ZNF565: variants seen among roughly 807,000 people sequenced by gnomAD.
ZNF565 encodes the protein zinc finger protein 565.
ZNF565 carries 27 observed loss-of-function variants against 39.4 expected under a neutral mutation model. That is an observed-to-expected ratio of 0.69 (90% CI 0.51 to 0.95). ZNF565 has a LOEUF of 0.95. ZNF565 is among the 40% of genes least tolerant of loss of function. ZNF565 has a pLI of 0.00. For synonymous variants in ZNF565, 185 were observed against 216.6 expected, an observed-to-expected ratio of 0.85 and a Z score of 1.28; for missense variants, 524 against 621.1, an observed-to-expected ratio of 0.84 and a Z score of 1.66.
At chr19:36,221,602 T>C (rs1310467814) in intron 1 of ZNF565, among the ~76,000 whole-genome samples, 1 of 152,182 alleles carries the variant, frequency 6.6e-6, no homozygotes. Flanking sequence ...CACTACTTTT[T>C]AAAAAATGAA....
intron 1 of ZNF565, among the ~76,000 whole-genome samples, chr19:36,231,369 C>T (rs1177765501): frequency 6.6e-6 from 1 of 152,028 alleles, no homozygotes; most frequent in Non-Finnish European, 1.5e-5. Flanking sequence ...ACCACCACAC[C>T]CGGCTAATTT....
At chr19:36,210,859 C>T (rs1976329137) in intron 1 of ZNF565, among the ~76,000 whole-genome samples, 1 of 151,830 alleles carries the variant, frequency 6.6e-6, no homozygotes, top group African/African-American at 2.4e-5. Context: ...AGGACTGGGG[C>T]AGGGAAAGTA....
intron 1 of ZNF565, among the ~76,000 whole-genome samples, chr19:36,205,075 C>T (rs2145352289): frequency 6.6e-6 from 1 of 152,266 alleles, no homozygotes; most frequent in South Asian, 2.1e-4. Flanking sequence ...CTAACCATCA[C>T]TCTTGCCACA....
chr19:36,243,607 G>T (rs969751773), intron 1 of ZNF565, among the ~76,000 whole-genome samples: 2 of 152,204 alleles, frequency 1.3e-5, no homozygotes, highest in Non-Finnish European at 2.9e-5. Flanking sequence ...TCAGAGCTGT[G>T]TGATGGGTTC....
intron 1 of ZNF565, among the ~76,000 whole-genome samples, chr19:36,210,419 C>CAAAAAAA (rs35345882): frequency 3.0e-5 from 2 of 67,030 alleles, no homozygotes; most frequent in African/African-American, 1.2e-4. Flanking sequence ...AATTCTGTCT[C>CAAAAAAA]AAAAAAAAAA....
In ZNF565 at chr19:36,245,792, T is replaced by A. The variant is rs1490014285; in HGVS notation, c.-262A>T. 4 of 471,968 alleles carry A rather than the reference T, an allele frequency of 8.5e-6. No individual in the cohort carries two copies. The highest frequency in any genetic ancestry group is 7.6e-5 in the Admixed American group (2 of 26,304). The allele number at this position is 471,968 out of a possible 1,614,324, so 29.2% of individuals were successfully genotyped here. A position where few individuals can be genotyped will look rare whatever the true frequency, so the allele number is the denominator to read the frequency against. ...TCTTGGAGGGCTCGGTGCCGGAGGC[T>A]ACTCTTGAGTCCCGGTTCCTTCGCC... On this transcript the variant is annotated 5_prime_UTR_variant, in exon 1 of 5. Coordinates refer to the ZNF565 transcript ENST00000355114. This position sits in a 1 kb window ranked among gnomAD's most constrained non-coding sequence, Gnocchi z 4.4.
Position 36,228,820 on chromosome 19 carries a change from G to C in ZNF565, c.55+16656C>G, listed in dbSNP as rs540099945. ...AAAGAAGTGGGAAGGATCTGCGCGG[G>C]TGAGTAAATGACAGGCAGGCCACAG... is the stretch of plus-strand genomic sequence containing the variant. On this transcript the variant is annotated intron_variant, in intron 1 of 4. Coordinates refer to the ZNF565 transcript ENST00000355114. 3.7e-4 allele frequency: 57 copies of C among 152,424 alleles called. 1 individual carries two copies. The highest frequency in any genetic ancestry group is 1.3e-3 in the African/African-American group (53 of 41,568). 9.4% of individuals were successfully genotyped at this position (152,424 alleles called of 1,614,324 possible).
At chr19:36,227,199 GC>G (rs1317131052) in intron 1 of ZNF565, among the ~76,000 whole-genome samples, 1 of 151,788 alleles carries the variant, frequency 6.6e-6, no homozygotes, top group African/African-American at 2.4e-5. Context: ...GACCAGCCTG[GC>G]CAATGTGGTG....
intron 1 of ZNF565, among the ~76,000 whole-genome samples, chr19:36,230,324 T>C (rs542758957): frequency 6.6e-6 from 1 of 152,312 alleles, no homozygotes; most frequent in East Asian, 1.9e-4. Flanking sequence ...GCTAGGGAAA[T>C]GTCAGCTATC....
intron 4 of ZNF565, among the ~76,000 whole-genome samples, chr19:36,186,831 C>G (rs1389407662): frequency 6.6e-6 from 1 of 151,796 alleles, no homozygotes; most frequent in African/African-American, 2.4e-5. Flanking sequence ...GATAAAATAC[C>G]AAAATCTAGG....
chr19:36,210,003 C>G (rs998801479), intron 1 of ZNF565, among the ~76,000 whole-genome samples: 3 of 152,118 alleles, frequency 2.0e-5, no homozygotes, highest in African/African-American at 7.2e-5. Flanking sequence ...TGGTTCACAT[C>G]TATAATCCCA....
intron 1 of ZNF565, chr19:36,228,801 G>T (rs1230501335): frequency 6.6e-6 from 1 of 152,296 alleles, no homozygotes; most frequent in South Asian, 2.1e-4. Context: ...GGAGAAAGAA[G>T]TGGGAAGGAT....
chr19:36,207,353 G>C (rs1461910416), intron 1 of ZNF565, among the ~76,000 whole-genome samples: 2 of 152,090 alleles, frequency 1.3e-5, no homozygotes, highest in Non-Finnish European at 2.9e-5. Context: ...AGACCAGCCT[G>C]GTCAACAGAA....
chr19:36,240,095 GTTGTC>G (rs1977772893), intron 1 of ZNF565, among the ~76,000 whole-genome samples: 1 of 152,142 alleles, frequency 6.6e-6, no homozygotes, highest in Admixed American at 6.5e-5. Flanking sequence ...ATTTAAAGGT[GTTGTC>G]TTTATGATAC....
At chr19:36,206,430 AAGACCCCCAT>A (rs1976156442) in intron 1 of ZNF565, among the ~76,000 whole-genome samples, 2 of 150,984 alleles carry the variant, frequency 1.3e-5, no homozygotes, top group Non-Finnish European at 3.0e-5. Context: ...GCAGCAAAGT[AAGACCCCCAT>A]CTCTACAAAA....
intron 4 of ZNF565, among the ~76,000 whole-genome samples, chr19:36,192,942 G>A (rs543376097): frequency 7.3e-5 from 11 of 150,572 alleles, no homozygotes; most frequent in Non-Finnish European, 1.5e-4. Context: ...TCAGCCTCCC[G>A]AGTGGCTGGA....
At chr19:36,242,548 G>A (rs1458886969) in intron 1 of ZNF565, among the ~76,000 whole-genome samples, 14 of 152,154 alleles carry the variant, frequency 9.2e-5, no homozygotes, top group Admixed American at 7.2e-4. Context: ...CCAACATGGT[G>A]AAACCCGTCT....
At chr19:36,208,661 T>C (rs931829082) in intron 1 of ZNF565, among the ~76,000 whole-genome samples, 1 of 152,120 alleles carries the variant, frequency 6.6e-6, no homozygotes, top group Non-Finnish European at 1.5e-5. Context: ...CAGACATTCT[T>C]TAGGGCCTGG....
At chr19:36,213,942 G>A (rs1017814871) in intron 1 of ZNF565, among the ~76,000 whole-genome samples, 5 of 151,602 alleles carry the variant, frequency 3.3e-5, no homozygotes, top group African/African-American at 1.2e-4. Flanking sequence ...AGTTACTCCC[G>A]TATAGTCACA....
Sources: allele counts gnomAD v4.1 joint callset (sites outside exome capture counted in the v4.1 genomes callset), GRCh38; gene constraint gnomAD v4.1.1; non-coding constraint Gnocchi (gnomAD v3.1); transcripts MANE v1.5; gene names NCBI Gene and HGNC (gene_info 2026-07-23, HGNC 2026-07-21).